Variants in PRICKLE2 observed in about 807,000 individuals in gnomAD.
PRICKLE2 encodes the protein prickle-like protein 2.
A neutral mutation model predicts 81.4 loss-of-function variants in PRICKLE2; 21 were observed. The ratio of observed to expected loss-of-function variants is 0.26; its 90% CI spans 0.18 to 0.37. The LOEUF (loss-of-function observed/expected upper bound fraction) is 0.37, where lower values mean the gene tolerates loss of function less well. Among genes scored for constraint, PRICKLE2 ranks in the 10% least tolerant of loss-of-function variants. The pLI is 1.00. For synonymous variants in PRICKLE2, 456 were observed against 421.5 expected, an observed-to-expected ratio of 1.08 and a Z score of -1.00; for missense variants, 940 against 1,109.0, an observed-to-expected ratio of 0.85 and a Z score of 2.16.
intron 1 of PRICKLE2, among the ~76,000 whole-genome samples, chr3:64,215,242 C>T (rs985069668): frequency 1.3e-4 from 20 of 152,132 alleles, no homozygotes; most frequent in Admixed American, 1.0e-3. Flanking sequence ...TTGTTCCAGC[C>T]TCAGCAGTCT....
intron 7 of PRICKLE2, chr3:64,102,803 A>C (rs1022929123): frequency 2.0e-5 from 3 of 152,212 alleles, no homozygotes; most frequent in Non-Finnish European, 2.9e-5. Flanking sequence ...CATGGGCAAT[A>C]GATAAAAGTA....
At position 64,099,458 on chromosome 3, in the gene PRICKLE2, G is replaced by A. The variant is rs1265364678; in HGVS notation, c.2128C>T (p.Arg710Trp). The A allele has an allele frequency of 6.3e-7, 1 of 1,584,212 alleles. No individual in the cohort carries two copies. Residue 710 changes from arginine (R) to tryptophan (W), a missense_variant, in exon 8 of 8, where the codon CGG becomes TGG. Coordinates refer to ENST00000638394, the MANE Select transcript of PRICKLE2 (RefSeq NM_198859.4). This position sits in a 1 kb window ranked among gnomAD's most constrained non-coding sequence, Gnocchi z 4.3. Reference sequence around the variant, plus strand: ...CTCAGAGGGGGCCTATCTTTTAACCGGGAGATGGCCTCGCGTTCGCTGGCC... The same window carrying A: ...CTCAGAGGGGGCCTATCTTTTAACCAGGAGATGGCCTCGCGTTCGCTGGCC... ...HLASEREAIS[R>W]LKDRPPLRAR...
chr3:64,219,822 A>C (rs2078924413), intron 1 of PRICKLE2, among the ~76,000 whole-genome samples: 1 of 152,216 alleles, frequency 6.6e-6, no homozygotes, highest in Non-Finnish European at 1.5e-5. Flanking sequence ...CTGGGTTCGA[A>C]TCCCAGCATT....
At chr3:64,230,221 G>A (rs2079083952), upstream of PRICKLE2, among the ~76,000 whole-genome samples, 1 of 152,162 alleles carries the variant, frequency 6.6e-6, no homozygotes, top group Non-Finnish European at 1.5e-5. Context: ...AACAGACAAT[G>A]GAGGACCCCA....
At chr3:64,141,221 T>C (rs2077355644) in intron 7 of PRICKLE2, among the ~76,000 whole-genome samples, 2 of 152,234 alleles carry the variant, frequency 1.3e-5, no homozygotes, top group South Asian at 4.1e-4. Context: ...ACATCAGCCA[T>C]AGCACAGTGT....
rs548758289 is a variant in PRICKLE2 at position 64,156,070 on chromosome 3, A to G, written c.600+1092T>C. Among the ~76,000 whole-genome samples the G allele has an allele frequency of 2.0e-5, 3 of 152,320 alleles. No homozygotes were observed. In the South Asian group the frequency reaches 6.2e-4, roughly 32 times the overall value. Reference sequence around the variant, plus strand: ...AAGTGTGTGCTTCAATCATATTCTAATTGCCATTAGACAACACAAAGCTGT... The same window carrying G: ...AAGTGTGTGCTTCAATCATATTCTAGTTGCCATTAGACAACACAAAGCTGT... On this transcript the variant is annotated intron_variant, in intron 5 of 7. Transcript: ENST00000638394.
chr3:64,245,144 AT>A (rs952240606), intron 2 of PRICKLE2, among the ~76,000 whole-genome samples: 3 of 152,144 alleles, frequency 2.0e-5, no homozygotes, highest in Admixed American at 6.6e-5. Flanking sequence ...TAATGCTAGA[AT>A]TTTTTTTCGA....
At position 64,177,412 on chromosome 3, in the gene PRICKLE2, C is replaced by T. The variant is rs540057093; in HGVS notation, c.145-14283G>A. 9.2e-5 allele frequency among the ~76,000 whole-genome samples: 14 copies of T among 152,154 alleles called. No homozygotes were observed. In the South Asian group the frequency reaches 1.9e-3, roughly 20 times the overall value. ...CCTCCCAAAGTGCTGGGATTATAGA[C>T]GTGAGCCACCATGCCTGGCCTCATT... is the stretch of plus-strand genomic sequence containing the variant. On this transcript the variant is annotated intron_variant, in intron 2 of 7. Coordinates refer to ENST00000638394, the MANE Select transcript of PRICKLE2 (RefSeq NM_198859.4).
rs762399074 is a variant in PRICKLE2, at chr3:64,099,340, G to A, written c.2246C>T (p.Pro749Leu). 4.3e-6 allele frequency: 7 copies of A among 1,614,098 alleles called. No individual in the cohort carries two copies. The highest frequency in any genetic ancestry group is 1.7e-5 in the Admixed American group (1 of 60,014). ...CAAAGCCAGGTCCGACACAGTCCTA[G>A]GGCACTGGCCGTACAGGTCCCTCCG... ...GSRRDLYGQC[P>L]RTVSDLALQN... Residue 749 changes from proline to leucine, a missense_variant, in exon 8 of 8, where the codon CCT becomes CTT. By Grantham distance (98) the Pro-to-Leu change is moderately conservative. Transcript: ENST00000638394. This position sits in a 1 kb window ranked among gnomAD's most constrained non-coding sequence, Gnocchi z 4.3.
At chr3:64,156,929 A>C (rs890592799) in intron 5 of PRICKLE2, among the ~76,000 whole-genome samples, 1 of 152,208 alleles carries the variant, frequency 6.6e-6, no homozygotes, top group Non-Finnish European at 1.5e-5. Flanking sequence ...TCATGGATAC[A>C]GAAACTGCCT....
At chr3:64,110,501 G>A (rs1456146623) in intron 7 of PRICKLE2, among the ~76,000 whole-genome samples, 1 of 152,114 alleles carries the variant, frequency 6.6e-6, no homozygotes, top group Non-Finnish European at 1.5e-5. Context: ...AGCATAGCAA[G>A]GTGACCGTTA....
chr3:64,254,651 A>G (rs1201459679), intron 2 of PRICKLE2, among the ~76,000 whole-genome samples: 1 of 152,204 alleles, frequency 6.6e-6, no homozygotes, highest in Non-Finnish European at 1.5e-5. Flanking sequence ...TCATTCTTTG[A>G]GCCCAGATCA....
intron 4 of PRICKLE2, among the ~76,000 whole-genome samples, chr3:64,157,782 C>T (rs974952894): frequency 6.6e-5 from 10 of 151,484 alleles, no homozygotes; most frequent in Admixed American, 1.3e-4. Context: ...GGTGGGAGGA[C>T]GGGGCTTGGA....
chr3:64,230,376 A>G (rs940605716), upstream of PRICKLE2, among the ~76,000 whole-genome samples: 1 of 152,262 alleles, frequency 6.6e-6, no homozygotes, highest in African/African-American at 2.4e-5. Context: ...AATGAGTATT[A>G]GAGATCAAAG....
intron 7 of PRICKLE2, among the ~76,000 whole-genome samples, chr3:64,135,570 T>C (rs1187204057): frequency 6.6e-6 from 1 of 152,144 alleles, no homozygotes; most frequent in East Asian, 1.9e-4. Flanking sequence ...AATGGTGCCC[T>C]GCCTGTTTGC....
At chr3:64,257,774 GGTTTGAATGTTT>G (rs1285823112) in intron 2 of PRICKLE2, among the ~76,000 whole-genome samples, 4 of 152,142 alleles carry the variant, frequency 2.6e-5, no homozygotes, top group African/African-American at 9.7e-5. Flanking sequence ...CCTTTGCCAT[GGTTTGAATGTTT>G]GTGTCCTTCT....
Position 64,099,609 on chromosome 3 carries a change from G to C in PRICKLE2, c.1977C>G (p.Gly659=), listed in dbSNP as rs376252127. Residue 659 remains glycine (G), a synonymous_variant, in exon 8 of 8, where the codon GGC becomes GGG. Coordinates refer to ENST00000638394, the MANE Select transcript of PRICKLE2 (RefSeq NM_198859.4). The surrounding 1 kb of genome is among the most constrained non-coding windows in gnomAD (Gnocchi z 4.3). ...MAGSKLPGQE[G]VRIQPMSERT... is the part of the protein sequence containing the mutation. ...GTTCACTCATGGGCTGGATCCTCAC[G>C]CCCTCCTGCCCTGGCAGCTTGCTGC... 4 of 1,613,704 alleles carry C rather than the reference G, an allele frequency of 2.5e-6. No homozygotes were observed. The highest frequency in any genetic ancestry group is 3.4e-6 in the Non-Finnish European group (4 of 1,180,028).
At chr3:64,165,181 C>T (rs1465284061) in intron 2 of PRICKLE2, among the ~76,000 whole-genome samples, 1 of 152,114 alleles carries the variant, frequency 6.6e-6, no homozygotes, top group Non-Finnish European at 1.5e-5. Context: ...ACTCACATAC[C>T]CCCTGTCCAT....
At chr3:64,158,068 T>C (rs897303765) in intron 4 of PRICKLE2, among the ~76,000 whole-genome samples, 2 of 152,144 alleles carry the variant, frequency 1.3e-5, no homozygotes, top group African/African-American at 2.4e-5. Flanking sequence ...ATGCTTACAG[T>C]TGGGGTTGGG....
Sources: gnomAD v4.1 joint callset for allele counts (sites outside exome capture counted in the v4.1 genomes callset) on GRCh38, gnomAD v4.1.1 for gene constraint, Gnocchi (gnomAD v3.1) non-coding constraint, MANE v1.5 for transcripts, NCBI Gene and HGNC (gene_info 2026-07-23, HGNC 2026-07-21) for gene names.